Variants in BABAM2 observed in about 807,000 individuals in gnomAD.
The protein encoded by BABAM2 is BRISC and BRCA1-A complex member 2.
A neutral mutation model predicts 54.7 loss-of-function variants in BABAM2; 31 were observed. The ratio of observed to expected loss-of-function variants is 0.57; its 90% confidence interval spans 0.43 to 0.77. The LOEUF is 0.77. Among genes scored for constraint, BABAM2 ranks in the 30% least tolerant of loss-of-function variants. BABAM2 has a pLI of 0.00. For missense variants in BABAM2, 364 were observed against 455.8 expected, an observed-to-expected ratio of 0.80 and a Z score of 1.83; for synonymous variants, 167 against 162.9, an observed-to-expected ratio of 1.03 and a Z score of -0.19.
intron 3 of BABAM2, among the ~76,000 whole-genome samples, chr2:27,980,420 A>T (rs1215897115): frequency 6.6e-6 from 1 of 152,182 alleles, no homozygotes; most frequent in Non-Finnish European, 1.5e-5. Flanking sequence ...CTTCCTGTAT[A>T]ACTCCCCAGG....
At chr2:28,040,031 A>T (rs1676948616) in intron 5 of BABAM2, among the ~76,000 whole-genome samples, 1 of 152,074 alleles carries the variant, frequency 6.6e-6, no homozygotes, top group Non-Finnish European at 1.5e-5. Context: ...TACAGGAAAG[A>T]TTGCTGTGAA....
At chr2:28,008,750 A>C (rs966021150) in intron 4 of BABAM2, among the ~76,000 whole-genome samples, 1 of 152,154 alleles carries the variant, frequency 6.6e-6, no homozygotes, top group African/African-American at 2.4e-5. Flanking sequence ...AATTGGGGTG[A>C]TGGGATCTCA....
intron 2 of BABAM2, among the ~76,000 whole-genome samples, chr2:27,921,203 G>T (rs980597350): frequency 5.9e-5 from 9 of 151,936 alleles, no homozygotes; most frequent in African/African-American, 9.7e-5. Flanking sequence ...AAGTTACGGG[G>T]GGCTTGTTCC....
intron 6 of BABAM2, among the ~76,000 whole-genome samples, chr2:28,113,543 G>T (rs1296012019): frequency 6.6e-6 from 1 of 152,084 alleles, no homozygotes; most frequent in African/African-American, 2.4e-5. Context: ...TGCTGTTTTG[G>T]TTGCTGTAGC....
chr2:27,893,897 G>A (rs1164132943), intron 1 of BABAM2, among the ~76,000 whole-genome samples: 2 of 151,680 alleles, frequency 1.3e-5, no homozygotes, highest in Admixed American at 6.6e-5. Context: ...GGAAGGCTGA[G>A]GCAGGAGAAT....
chr2:28,241,267 A>G (rs1362374401), intron 8 of BABAM2, 56 bp from the exon 9 acceptor site: 1 of 1,510,756 alleles, frequency 6.6e-7, no homozygotes, highest in Non-Finnish European at 9.2e-7. Flanking sequence ...AATTTCTTAT[A>G]ATAAAGCATT....
At chr2:27,918,832 G>A (rs1429434776) in intron 2 of BABAM2, among the ~76,000 whole-genome samples, 2 of 152,012 alleles carry the variant, frequency 1.3e-5, no homozygotes. Flanking sequence ...GGTACTACAG[G>A]CACATGCCAC....
chr2:28,131,070 A>ATTT (rs757511616), intron 7 of BABAM2, among the ~76,000 whole-genome samples: 89 of 6,944 alleles, frequency 0.013, 22 homozygotes, highest in Non-Finnish European at 0.022. Flanking sequence ...TATTATTATT[A>ATTT]TTATTATTAT....
chr2:28,160,453 A>T (rs920610099), intron 7 of BABAM2, among the ~76,000 whole-genome samples: 1 of 152,204 alleles, frequency 6.6e-6, no homozygotes, highest in Non-Finnish European at 1.5e-5. Flanking sequence ...CAGCCACAGC[A>T]TTAGGCTACA....
chr2:27,944,436 T>G (rs1377940093), intron 3 of BABAM2, among the ~76,000 whole-genome samples: 1 of 152,184 alleles, frequency 6.6e-6, no homozygotes, highest in Admixed American at 6.5e-5. Context: ...TCTCTAAAAC[T>G]GAAACAGTTT....
chr2:28,077,933 A>T (rs1664829722), intron 6 of BABAM2, among the ~76,000 whole-genome samples: 1 of 152,178 alleles, frequency 6.6e-6, no homozygotes, highest in African/African-American at 2.4e-5. Context: ...AACTGGGTAG[A>T]TGTTTGCGCC....
intron 3 of BABAM2, among the ~76,000 whole-genome samples, chr2:27,970,765 T>C (rs1048025839): frequency 3.9e-5 from 6 of 152,136 alleles, no homozygotes; most frequent in Non-Finnish European, 8.8e-5. Flanking sequence ...TGTTTACTGG[T>C]CACACTTAAA....
At chr2:27,936,719 G>C (rs1663617062) in intron 3 of BABAM2, among the ~76,000 whole-genome samples, 2 of 151,734 alleles carry the variant, frequency 1.3e-5, no homozygotes. Flanking sequence ...AACACCGCAT[G>C]TTCTCACTCA....
chr2:28,309,928 C>G, intron 11 of BABAM2: 1 of 718,518 alleles, frequency 1.4e-6, no homozygotes, highest in Non-Finnish European at 2.3e-6. Context: ...TCCGCACGAG[C>G]AAGCTCACCC....
chr2:27,903,792 T>G (rs1338478934), intron 2 of BABAM2, among the ~76,000 whole-genome samples: 1 of 152,224 alleles, frequency 6.6e-6, no homozygotes, highest in Non-Finnish European at 1.5e-5. Context: ...AATTTCTTTT[T>G]CCTTCTTCAC....
intron 3 of BABAM2, among the ~76,000 whole-genome samples, chr2:27,943,382 C>A (rs1466465379): frequency 6.6e-6 from 1 of 152,190 alleles, no homozygotes; most frequent in African/African-American, 2.4e-5. Context: ...AGCTGCTCTG[C>A]AAGACTGATT....
chr2:28,273,653 AG>A lies in BABAM2; in HGVS notation c.935-24683del, dbSNP rs1685630591. Among the ~76,000 whole-genome samples the A allele has an allele frequency of 2.6e-5, 4 of 152,292 alleles. No individual in the cohort carries two copies. The South Asian group carries it at 8.3e-4, about 32-fold the overall frequency. Reference sequence around the variant, plus strand: ...AGAATTGCTTGAACCTGGGAGGCAGAGGTTGCAGTGAGCCGAGATTATACCA... The same window carrying A: ...AGAATTGCTTGAACCTGGGAGGCAGAGTTGCAGTGAGCCGAGATTATACCA... On this transcript the variant is annotated intron_variant, in intron 10 of 11. Transcript: ENST00000379624.
At chr2:28,308,494 C>T (rs1688760910) in intron 11 of BABAM2, 1 of 527,578 alleles carries the variant, frequency 1.9e-6, no homozygotes, top group Admixed American at 1.9e-5. Flanking sequence ...ATCAAACAGG[C>T]TGTGAAGAAG....
At chr2:28,009,315 G>A (rs1333163091) in intron 4 of BABAM2, among the ~76,000 whole-genome samples, 2 of 152,100 alleles carry the variant, frequency 1.3e-5, no homozygotes, top group African/African-American at 4.8e-5. Context: ...GGAAGCTAGG[G>A]TAGTAGGTAG....
Sources: gnomAD v4.1 joint callset for allele counts (sites outside exome capture counted in the v4.1 genomes callset) on GRCh38, gnomAD v4.1.1 for gene constraint, MANE v1.5 for transcripts, NCBI Gene and HGNC (gene_info 2026-07-23, HGNC 2026-07-21) for gene names.